ROBO1: variants seen among roughly 807,000 people sequenced by gnomAD.
ROBO1 encodes roundabout homolog 1.
A neutral mutation model predicts 195.9 loss-of-function variants in ROBO1; 149 were observed. That is an observed-to-expected ratio of 0.76 (90% CI 0.67 to 0.87). The LOEUF (loss-of-function observed/expected upper bound fraction) is 0.87. Among genes scored for constraint, ROBO1 ranks in the 40% least tolerant of loss-of-function variants. ROBO1 has a pLI of 0.00. For synonymous variants in ROBO1, 816 were observed against 733.2 expected (o/e 1.11, Z -1.82); for missense variants, 1,933 against 2,068.3 (o/e 0.93, Z 1.27).
intron 2 of ROBO1, among the ~76,000 whole-genome samples, chr3:79,438,340 T>C (rs1025499623): frequency 1.3e-5 from 2 of 151,928 alleles, no homozygotes; most frequent in Non-Finnish European, 2.9e-5. Context: ...ACTAACATCA[T>C]GGGTTGTTAT....
chr3:78,841,581 T>C (rs2033203816), intron 4 of ROBO1, among the ~76,000 whole-genome samples: 1 of 152,150 alleles, frequency 6.6e-6, no homozygotes, highest in South Asian at 2.1e-4. Flanking sequence ...ATTTAAGCCC[T>C]GGGCATAGGG....
chr3:79,360,374 T>C (rs546026390), intron 2 of ROBO1, among the ~76,000 whole-genome samples: 1 of 152,156 alleles, frequency 6.6e-6, no homozygotes, highest in South Asian at 2.1e-4. Context: ...AATTTTCTGT[T>C]GACATTAGTT....
intron 3 of ROBO1, among the ~76,000 whole-genome samples, chr3:79,102,486 T>C (rs893190888): frequency 6.6e-6 from 1 of 151,792 alleles, no homozygotes; most frequent in South Asian, 2.1e-4. Flanking sequence ...CAAGACATGA[T>C]TTAGCACTTC....
rs192234403 is a variant in ROBO1, at chr3:79,362,401, T to C, written c.88+227423A>G. ...TGGATAAAATTCAGAACATTATATT[T>C]AAGCTACAGAAGAGGAGAGGTTACT... On this transcript the variant is annotated intron_variant, in intron 2 of 30. Coordinates refer to ENST00000464233, the MANE Select transcript of ROBO1 (RefSeq NM_002941.4). Among the ~76,000 whole-genome samples, 369 of 152,278 alleles carry C rather than the reference T, an allele frequency of 2.4e-3. 2 individuals are homozygous for C. Among genetic ancestry groups the C allele is most frequent in the African/African-American group, 7.6e-3 (314 of 41,572 alleles).
chr3:79,418,062 A>G (rs2038078364), intron 2 of ROBO1, among the ~76,000 whole-genome samples: 1 of 152,164 alleles, frequency 6.6e-6, no homozygotes, highest in Non-Finnish European at 1.5e-5. Context: ...GCAATATACA[A>G]GTGATTCATT....
chr3:79,680,135 C>A (rs1222053123), intron 1 of ROBO1, among the ~76,000 whole-genome samples: 1 of 152,000 alleles, frequency 6.6e-6, no homozygotes, highest in Admixed American at 6.6e-5. Flanking sequence ...GAAAACATTA[C>A]CTCTCTCCAA....
intron 3 of ROBO1, among the ~76,000 whole-genome samples, chr3:79,049,943 C>A (rs1484183202): frequency 1.3e-5 from 2 of 152,082 alleles, no homozygotes; most frequent in African/African-American, 2.4e-5. Flanking sequence ...GAAAAACATG[C>A]CAAATTGTCA....
intron 3 of ROBO1, among the ~76,000 whole-genome samples, chr3:78,943,474 C>T (rs918631960): frequency 2.6e-5 from 4 of 152,104 alleles, no homozygotes; most frequent in African/African-American, 7.2e-5. Flanking sequence ...AATGTCTCAG[C>T]AATAAAAATG....
chr3:79,307,869 G>GA (rs761687288), intron 2 of ROBO1, among the ~76,000 whole-genome samples: 1 of 151,854 alleles, frequency 6.6e-6, no homozygotes, highest in South Asian at 2.1e-4. Flanking sequence ...CAACAAAACA[G>GA]AAAAAAATAG....
At chr3:79,382,363 CA>C (rs1262308603) in intron 2 of ROBO1, among the ~76,000 whole-genome samples, 1 of 152,080 alleles carries the variant, frequency 6.6e-6, no homozygotes, top group Non-Finnish European at 1.5e-5. Flanking sequence ...AGGAAAAAAT[CA>C]ATGAGTGTAT....
chr3:78,740,769 G>A (rs2082512157), intron 5 of ROBO1, among the ~76,000 whole-genome samples: 1 of 152,026 alleles, frequency 6.6e-6, no homozygotes, highest in Admixed American at 6.6e-5. Context: ...CACCGCGCCT[G>A]GCAAAAGGAA....
chr3:79,004,158 T>G (rs1297803846), intron 3 of ROBO1, among the ~76,000 whole-genome samples: 1 of 152,176 alleles, frequency 6.6e-6, no homozygotes, highest in African/African-American at 2.4e-5. Context: ...CTGAATTTGG[T>G]GCTATACAAC....
At chr3:79,466,393 T>C (rs1937959986) in intron 2 of ROBO1, among the ~76,000 whole-genome samples, 3 of 152,196 alleles carry the variant, frequency 2.0e-5, no homozygotes, top group Admixed American at 2.0e-4. Flanking sequence ...CAAAGACAAA[T>C]AGCACCTACG....
At chr3:79,530,908 C>T (rs768257307) in intron 2 of ROBO1, among the ~76,000 whole-genome samples, 22 of 152,024 alleles carry the variant, frequency 1.4e-4, no homozygotes, top group Non-Finnish European at 2.6e-4. Flanking sequence ...TCTCCAGAGT[C>T]ATCTTGCGGG....
chr3:79,732,024 C>G (rs7428854), intron 1 of ROBO1, among the ~76,000 whole-genome samples: 1 of 152,004 alleles, frequency 6.6e-6, no homozygotes, highest in Admixed American at 6.6e-5. Context: ...TTCCACAAAC[C>G]TAGAGTGTGG....
At chr3:78,785,695 A>AT (rs1039001236) in intron 4 of ROBO1, among the ~76,000 whole-genome samples, 5 of 151,856 alleles carry the variant, frequency 3.3e-5, no homozygotes, top group Admixed American at 1.3e-4. Context: ...TATTCCTACA[A>AT]TTTTTTCTTC....
intron 2 of ROBO1, among the ~76,000 whole-genome samples, chr3:79,238,729 T>C (rs912951543): frequency 1.3e-5 from 2 of 152,226 alleles, no homozygotes; most frequent in African/African-American, 4.8e-5. Context: ...ACTTTATTTC[T>C]TCCTGTTTTA....
In ROBO1 at chr3:79,374,453, C is replaced by T. The variant is rs79051995; in HGVS notation, c.88+215371G>A. Among the ~76,000 whole-genome samples, 1,270 of 152,192 alleles carry T rather than the reference C, an allele frequency of 8.3e-3. 22 individuals are homozygous for T. Among genetic ancestry groups the T allele is most frequent in the African/African-American group, 0.029 (1,207 of 41,518 alleles). On this transcript the variant is annotated intron_variant, in intron 2 of 30. Transcript: ENST00000464233. ...AATCTCCCCTCAAGCTACTTAATGA[C>T]ATTGACCAATGAATATGTGATTAAT...
At chr3:79,299,179 A>T (rs1262187393) in intron 2 of ROBO1, among the ~76,000 whole-genome samples, 1 of 152,230 alleles carries the variant, frequency 6.6e-6, no homozygotes, top group Non-Finnish European at 1.5e-5. Context: ...AACATGAGGT[A>T]TATTGAAGTT....
Sources: gnomAD v4.1 joint callset for allele counts (sites outside exome capture counted in the v4.1 genomes callset) on GRCh38, gnomAD v4.1.1 for gene constraint, MANE v1.5 for transcripts, NCBI Gene and HGNC (gene_info 2026-07-23, HGNC 2026-07-21) for gene names.